MYLK: variants seen among roughly 807,000 people sequenced by gnomAD.
MYLK encodes myosin light chain kinase, smooth muscle.
MYLK carries 106 observed loss-of-function variants against 203.4 expected under a neutral mutation model. The ratio of observed to expected loss-of-function variants is 0.52; its 90% CI spans 0.45 to 0.61. The LOEUF (loss-of-function observed/expected upper bound fraction) is 0.61. Ranked by LOEUF, MYLK falls within the 20% of genes least tolerant of loss-of-function variation. The pLI, the probability that MYLK is intolerant of heterozygous loss-of-function variation, is 0.00. For synonymous variants in MYLK, 867 were observed against 959.5 expected, an observed-to-expected ratio of 0.90 and a Z score of 1.78; for missense variants, 2,072 against 2,442.3, an observed-to-expected ratio of 0.85 and a Z score of 3.20.
At chr3:123,708,935 T>C in intron 14 of MYLK, 40 bp from the exon 15 acceptor site, 5 of 1,579,260 alleles carry the variant, frequency 3.2e-6, no homozygotes, top group Non-Finnish European at 4.3e-6. Context: ...GTTAGGGAGG[T>C]CCTCCCCGGC....
At chr3:123,690,467 G>A (rs1434360086) in intron 19 of MYLK, among the ~76,000 whole-genome samples, 1 of 152,176 alleles carries the variant, frequency 6.6e-6, no homozygotes, top group African/African-American at 2.4e-5. Context: ...GCCTTGGGGA[G>A]TAGGGAGAGC....
At chr3:123,844,027 C>T (rs1356591766) in intron 2 of MYLK, among the ~76,000 whole-genome samples, 1 of 152,210 alleles carries the variant, frequency 6.6e-6, no homozygotes, top group Non-Finnish European at 1.5e-5. Flanking sequence ...CACAAATCTT[C>T]TAGGTTTATG....
At chr3:123,695,051 G>T (rs1334741898) in intron 18 of MYLK, among the ~76,000 whole-genome samples, 2 of 152,218 alleles carry the variant, frequency 1.3e-5, no homozygotes, top group Non-Finnish European at 2.9e-5. Flanking sequence ...GCGCTCCTGG[G>T]TCTGAAGCTC....
At position 123,739,978 on chromosome 3, in the gene MYLK, G is replaced by T; in HGVS notation, c.397C>A (p.Gln133Lys). The stretch of plus-strand genomic sequence containing the variant: ...CCTAAGGTTTTGGAAACAACAGGCT[G>T]ACCAAGCTGCTTCGCAAAACTTCCT... ...VEGSFAKQLG[Q>K]PVVSKTLGDR... The change falls in exon 6 of 34, where the codon CAG (glutamine) becomes AAG (lysine). Residue 133 changes from glutamine to lysine, a missense_variant. Physicochemically the swap from Gln to Lys is moderately conservative, Grantham distance 53 (BLOSUM62 1). This residue lies in a region of MYLK where 683 missense variants were observed against 643.8 expected (regional missense o/e 1.06). Transcript: ENST00000360304. 1.2e-6 allele frequency: 2 copies of T among 1,613,942 alleles called. No homozygotes were observed. The highest frequency in any genetic ancestry group is 2.2e-5 in the South Asian group (2 of 91,028).
chr3:123,714,821 T>C (rs1251246118), intron 13 of MYLK, among the ~76,000 whole-genome samples: 2 of 152,176 alleles, frequency 1.3e-5, no homozygotes, highest in Non-Finnish European at 2.9e-5. Flanking sequence ...CACTGTCCCA[T>C]TTTGACAGAA....
rs1263280834 is a variant in MYLK at position 123,816,628 on chromosome 3, A to AG, written c.-4+14919dup. ...AAATTTTCATTTGTACATAAAAGAGAGGGAAAAAAAACTAGACAGACTTTC... is the reference window on the plus strand; with the variant it reads ...AAATTTTCATTTGTACATAAAAGAGAGGGGAAAAAAAACTAGACAGACTTTC... On this transcript the variant is annotated intron_variant, in intron 3 of 33. Transcript: ENST00000360304. Among the ~76,000 whole-genome samples, 18 of 152,346 alleles carry AG rather than the reference A, an allele frequency of 1.2e-4. 1 individual carries two copies. Among genetic ancestry groups the AG allele is most frequent in the Admixed American group, 9.8e-4 (15 of 15,300 alleles).
At chr3:123,758,074 C>T (rs1285026824) in intron 4 of MYLK, among the ~76,000 whole-genome samples, 1 of 150,722 alleles carries the variant, frequency 6.6e-6, no homozygotes, top group Non-Finnish European at 1.5e-5. Flanking sequence ...AGAAGGAAAA[C>T]ATTAACACCC....
At chr3:123,781,993 T>A (rs1166598052) in intron 4 of MYLK, among the ~76,000 whole-genome samples, 1 of 152,180 alleles carries the variant, frequency 6.6e-6, no homozygotes, top group Non-Finnish European at 1.5e-5. Flanking sequence ...CCGAGGTGTG[T>A]TTTATAAAAA....
At chr3:123,705,137 C>G (rs1211432554) in intron 16 of MYLK, among the ~76,000 whole-genome samples, 1 of 151,156 alleles carries the variant, frequency 6.6e-6, no homozygotes, top group South Asian at 2.1e-4. Flanking sequence ...CCCCTGCACA[C>G]CGGACCCCCG....
At chr3:123,683,019 T>TGGAG (rs1273391131) in intron 19 of MYLK, among the ~76,000 whole-genome samples, 3 of 136,510 alleles carry the variant, frequency 2.2e-5, no homozygotes, top group Non-Finnish European at 4.7e-5. Context: ...CCCTTCCTCA[T>TGGAG]GGAGGGCAAG....
intron 4 of MYLK, among the ~76,000 whole-genome samples, chr3:123,766,305 C>T (rs1160298574): frequency 1.3e-5 from 2 of 152,240 alleles, no homozygotes; most frequent in East Asian, 3.8e-4. Flanking sequence ...CACCCTCATT[C>T]CCCCTTCTCT....
At chr3:123,747,548 A>G (rs2063058755) in intron 5 of MYLK, among the ~76,000 whole-genome samples, 1 of 152,158 alleles carries the variant, frequency 6.6e-6, no homozygotes, top group African/African-American at 2.4e-5. Context: ...AATATATCAC[A>G]CATGTAATTA....
Position 123,737,372 on chromosome 3 carries a change from C to G in MYLK, c.754+6G>C. On this transcript the variant is annotated splice_donor_region_variant and intron_variant, in intron 8 of 33. Coordinates refer to ENST00000360304, the MANE Select transcript of MYLK (RefSeq NM_053025.4). ...CGTTCTGCACTAGCCGTCCACTGGT[C>G]GATACCTTGGATGGAAAGTTCAGCT... The G allele has an allele frequency of 6.2e-7, 1 of 1,614,094 alleles. No homozygotes were observed. Among genetic ancestry groups the G allele is most frequent in the Non-Finnish European group, 8.5e-7 (1 of 1,180,024 alleles).
At chr3:123,753,423 G>C (rs1331968336) in intron 4 of MYLK, among the ~76,000 whole-genome samples, 1 of 151,108 alleles carries the variant, frequency 6.6e-6, no homozygotes, top group Non-Finnish European at 1.5e-5. Context: ...GCTGACATTT[G>C]CTGAGTGCTA....
chr3:123,614,267 CT>C lies in MYLK; in HGVS notation c.5582del (p.Glu1861GlyfsTer7). The stretch of plus-strand genomic sequence containing the variant: ...TAATAATTAAAGAGCAGTTCCCGTC[CT>C]CATCGTAGTCTATCTGGAAGTGGCG... Reference protein sequence around the residue: ...ESRHFQIDYDEDGNCSLIISD... With the variant: ...ESRHFQIDYDXDGNCSLIISD... On this transcript the variant is annotated frameshift_variant, in exon 34 of 34. Coordinates refer to ENST00000360304, the MANE Select transcript of MYLK (RefSeq NM_053025.4). LOFTEE classifies it high-confidence loss of function. 1 of 1,614,160 alleles carries C rather than the reference CT, an allele frequency of 6.2e-7. No homozygotes were observed. Among genetic ancestry groups the C allele is most frequent in the Non-Finnish European group, 8.5e-7 (1 of 1,180,034 alleles).
chr3:123,740,040 C>T, intron 5 of MYLK, 39 bp from the exon 6 acceptor site: 1 of 1,607,888 alleles, frequency 6.2e-7, no homozygotes, highest in Non-Finnish European at 8.5e-7. Context: ...TCTGAGCCAC[C>T]AACTTGGAGC....
intron 22 of MYLK, among the ~76,000 whole-genome samples, chr3:123,664,557 T>G (rs1159051796): frequency 8.5e-5 from 13 of 152,142 alleles, no homozygotes; most frequent in Non-Finnish European, 1.3e-4. Flanking sequence ...TCCCTCTACC[T>G]CTCTGGAATG....
At chr3:123,826,890 A>G (rs980308625) in intron 3 of MYLK, among the ~76,000 whole-genome samples, 6 of 152,126 alleles carry the variant, frequency 3.9e-5, no homozygotes, top group African/African-American at 1.4e-4. Flanking sequence ...ACCCCACTGA[A>G]CCGACATCAC....
intron 3 of MYLK, among the ~76,000 whole-genome samples, chr3:123,816,287 C>T (rs546619013): frequency 4.0e-4 from 61 of 152,384 alleles, no homozygotes; most frequent in Admixed American, 6.5e-4. Flanking sequence ...CCCAGCTCTG[C>T]TGCAAGACCT....
Sources: gnomAD v4.1 joint callset for allele counts (sites outside exome capture counted in the v4.1 genomes callset) on GRCh38, gnomAD v4.1.1 for gene constraint, gnomAD v4.1.1 regional missense constraint, MANE v1.5 for transcripts, NCBI Gene and HGNC (gene_info 2026-07-23, HGNC 2026-07-21) for gene names.